Variants in SMC5 observed in about 807,000 individuals in gnomAD.
The protein encoded by SMC5 is structural maintenance of chromosomes 5.
A neutral mutation model predicts 148.3 loss-of-function variants in SMC5; 88 were observed. That is an observed-to-expected ratio of 0.59 (90% confidence interval 0.50 to 0.71). The LOEUF (loss-of-function observed/expected upper bound fraction) is 0.71. Among genes scored for constraint, SMC5 ranks in the 30% least tolerant of loss-of-function variants. SMC5 has a pLI of 0.00. For missense variants in SMC5, 1,142 were observed against 1,298.9 expected (o/e 0.88, Z 1.86); for synonymous variants, 421 against 432.8 (o/e 0.97, Z 0.34).
intron 11 of SMC5, among the ~76,000 whole-genome samples, chr9:70,312,934 A>G (rs2035697639): frequency 6.6e-6 from 1 of 152,246 alleles, no homozygotes; most frequent in African/African-American, 2.4e-5. Flanking sequence ...TGTTGGTATC[A>G]TAAAAGGACT....
intron 18 of SMC5, 64 bp from the exon 19 acceptor site, chr9:70,346,541 A>G: frequency 6.6e-7 from 1 of 1,516,662 alleles, no homozygotes; most frequent in Non-Finnish European, 9.1e-7. Flanking sequence ...AGTGCAGTAT[A>G]AAGTTCTAAC....
chr9:70,311,731 G>A (rs1400588087), intron 11 of SMC5: 2 of 151,472 alleles, frequency 1.3e-5, no homozygotes, highest in Non-Finnish European at 2.9e-5. Flanking sequence ...TTTTAATGCA[G>A]TATCTTTGAA....
chr9:70,351,619 C>T (rs1488957406), intron 24 of SMC5, among the ~76,000 whole-genome samples: 3 of 152,074 alleles, frequency 2.0e-5, no homozygotes, highest in Non-Finnish European at 4.4e-5. Flanking sequence ...ATACTCTTTT[C>T]CAAGGTCTGC....
intron 11 of SMC5, among the ~76,000 whole-genome samples, chr9:70,312,957 C>A (rs2035698399): frequency 6.6e-6 from 1 of 152,154 alleles, no homozygotes; most frequent in Non-Finnish European, 1.5e-5. Context: ...GGAAGTGTTT[C>A]ATCCTTCTGT....
intron 9 of SMC5, 73 bp from the exon 10 acceptor site, chr9:70,299,973 G>A: frequency 7.3e-7 from 1 of 1,372,154 alleles, no homozygotes; most frequent in Non-Finnish European, 9.8e-7. Flanking sequence ...GTATTCTTTT[G>A]TGTTATTATT....
intron 19 of SMC5, 146 bp from the exon 20 acceptor site, chr9:70,346,920 G>A (rs564421303): frequency 2.8e-6 from 2 of 708,136 alleles, no homozygotes; most frequent in South Asian, 3.9e-5. Context: ...GAAGGCAAAT[G>A]ACCCTGTTTA....
rs921161773 is a variant in SMC5 at position 70,280,841 on chromosome 9, A to G, written c.761A>G (p.Tyr254Cys). ...TATAAACAAGATGTGGAGAGGTTCT[A>G]TGAACGGAAGCGACATTTAGATTTA... Reference protein sequence around the residue: ...ERYKQDVERFYERKRHLDLIE... With the variant: ...ERYKQDVERFCERKRHLDLIE... Residue 254 changes from tyrosine to cysteine, a missense_variant, in exon 6 of 25, where the codon TAT (tyrosine) becomes TGT (cysteine). Physicochemically the swap from Tyr to Cys is radical, Grantham distance 194. Transcript: ENST00000361138. The G allele has an allele frequency of 6.2e-7, 1 of 1,614,114 alleles. No individual in the cohort carries two copies. Among genetic ancestry groups the G allele is most frequent in the Admixed American group, 1.7e-5 (1 of 60,026 alleles).
intron 7 of SMC5, 35 bp from the exon 8 acceptor site, chr9:70,286,165 A>C: frequency 1.4e-4 from 173 of 1,273,420 alleles, no homozygotes; most frequent in Non-Finnish European, 1.8e-4. Context: ...GTTTTTAACT[A>C]GCTGTCCCCC....
intron 11 of SMC5, among the ~76,000 whole-genome samples, chr9:70,307,992 A>G (rs2035551733): frequency 6.6e-6 from 1 of 152,134 alleles, no homozygotes; most frequent in Non-Finnish European, 1.5e-5. Flanking sequence ...CCTTTAACCA[A>G]AAATCCTATT....
At chr9:70,308,515 A>G (rs1247258431) in intron 11 of SMC5, among the ~76,000 whole-genome samples, 1 of 146,836 alleles carries the variant, frequency 6.8e-6, no homozygotes, top group African/African-American at 2.5e-5. Context: ...GAATGACATG[A>G]ACCCTGGAGG....
intron 8 of SMC5, among the ~76,000 whole-genome samples, chr9:70,295,220 C>A (rs2035164843): frequency 6.6e-6 from 1 of 151,764 alleles, no homozygotes; most frequent in African/African-American, 2.4e-5. Context: ...AATCCCAGCA[C>A]TTCGGGAGGC....
chr9:70,322,280 T>C (rs2035967814), intron 15 of SMC5, among the ~76,000 whole-genome samples: 1 of 152,208 alleles, frequency 6.6e-6, no homozygotes, highest in South Asian at 2.1e-4. Flanking sequence ...TGCAAAACGC[T>C]CAACCTTTAT....
At chr9:70,302,502 A>AAATAT (rs1554693938) in intron 10 of SMC5, among the ~76,000 whole-genome samples, 73 of 149,532 alleles carry the variant, frequency 4.9e-4, no homozygotes, top group African/African-American at 1.6e-3. Context: ...AAGAAAAAAA[A>AAATAT]ATATATATAT....
chr9:70,299,429 T>C (rs551047674), intron 9 of SMC5, among the ~76,000 whole-genome samples: 15 of 152,156 alleles, frequency 9.9e-5, no homozygotes, highest in African/African-American at 3.6e-4. Context: ...CTTCTGTCCT[T>C]CTCCTTCCAT....
chr9:70,347,609 C>T lies in SMC5; in HGVS notation c.2665-4C>T. 1 of 1,490,136 alleles carries T rather than the reference C, an allele frequency of 6.7e-7. No homozygotes were observed. Among genetic ancestry groups the T allele is most frequent in the South Asian group, 1.3e-5 (1 of 79,824 alleles). 92.3% of individuals were successfully genotyped at this position (1,490,136 alleles called of 1,614,324 possible). On this transcript the variant is annotated splice_polypyrimidine_tract_variant and splice_region_variant and intron_variant, in intron 20 of 24. Transcript: ENST00000361138. ...CTTAAAGAAGTTTTTTTTTCCCCTG[C>T]CAGATTGTTCAGGAATATACAAAAA...
At position 70,314,825 on chromosome 9, in the gene SMC5, G is replaced by A. The variant is rs1175292304; in HGVS notation, c.1662G>A (p.Leu554=). ...SYADKAPSRS[L]NELKQYGFFS... ...CAGACAAAGCACCTTCAAGATCTTTGAATGAACTTAAGTAAGTCTTGAAAA... is the reference window on the plus strand; with the variant it reads ...CAGACAAAGCACCTTCAAGATCTTTAAATGAACTTAAGTAAGTCTTGAAAA... The change falls in exon 12 of 25, where the codon TTG becomes TTA. Residue 554 remains leucine, a synonymous_variant. Coordinates refer to ENST00000361138, the MANE Select transcript of SMC5 (RefSeq NM_015110.4). The A allele has an allele frequency of 6.5e-7, 1 of 1,536,320 alleles. No individual in the cohort carries two copies. The highest frequency in any genetic ancestry group is 2.4e-5 in the East Asian group (1 of 42,276).
chr9:70,264,821 T>C (rs1040382296), intron 2 of SMC5, among the ~76,000 whole-genome samples: 3 of 152,236 alleles, frequency 2.0e-5, no homozygotes, highest in Admixed American at 2.0e-4. Context: ...AATTTTGTCA[T>C]TGTGTGAACA....
At chr9:70,342,632 T>C (rs917948536) in intron 17 of SMC5, among the ~76,000 whole-genome samples, 2 of 152,114 alleles carry the variant, frequency 1.3e-5, no homozygotes, top group African/African-American at 4.8e-5. Flanking sequence ...CATCTACAAA[T>C]AGAGATAACC....
At chr9:70,348,632 A>C (rs2036728295) in intron 22 of SMC5, among the ~76,000 whole-genome samples, 1 of 152,082 alleles carries the variant, frequency 6.6e-6, no homozygotes, top group Admixed American at 6.6e-5. Context: ...TGGAGGTTCC[A>C]GTGAGCCAAA....
Sources: gnomAD v4.1 joint callset for allele counts (sites outside exome capture counted in the v4.1 genomes callset) on GRCh38, gnomAD v4.1.1 for gene constraint, MANE v1.5 for transcripts, NCBI Gene and HGNC (gene_info 2026-07-23, HGNC 2026-07-21) for gene names.